The following MROH2B variants were observed in gnomAD, a reference collection of about 807,000 sequenced individuals.
MROH2B encodes the protein maestro heat like repeat family member 2B, also known as maestro heat-like repeat-containing protein family member 2B.
Under a neutral mutation model 208.6 loss-of-function variants are expected in MROH2B, and 177 were observed. The ratio of observed to expected loss-of-function variants is 0.85; its 90% CI spans 0.75 to 0.96. The LOEUF (loss-of-function observed/expected upper bound fraction) is 0.96. Among genes scored for constraint, MROH2B ranks in the 40% least tolerant of loss-of-function variants. MROH2B has a pLI of 0.00. For missense variants in MROH2B, 2,002 were observed against 1,878.7 expected (o/e 1.07, Z -1.21); for synonymous variants, 728 against 659.0 (o/e 1.10, Z -1.60).
chr5:41,022,250 G>A (rs868747035), intron 24 of MROH2B, among the ~76,000 whole-genome samples: 1 of 152,166 alleles, frequency 6.6e-6, no homozygotes, highest in Non-Finnish European at 1.5e-5. Context: ...GCAGGGCGAG[G>A]CATCACCTCA....
intron 5 of MROH2B, among the ~76,000 whole-genome samples, chr5:41,064,136 G>A (rs182713000): frequency 6.8e-4 from 103 of 152,316 alleles, no homozygotes; most frequent in African/African-American, 2.4e-3. Context: ...GCAGTGAGGA[G>A]TGTAGACTGG....
chr5:41,040,516 C>G (rs954295648), intron 19 of MROH2B, among the ~76,000 whole-genome samples: 4 of 152,126 alleles, frequency 2.6e-5, no homozygotes, highest in African/African-American at 9.7e-5. Context: ...GATTGAAAAC[C>G]AAGTAGGCTC....
chr5:41,059,004 C>T (rs1204616679), intron 6 of MROH2B, among the ~76,000 whole-genome samples: 2 of 147,112 alleles, frequency 1.4e-5, no homozygotes, highest in Non-Finnish European at 3.0e-5. Context: ...GTGGAGATGG[C>T]GCCACTGCAC....
intron 24 of MROH2B, among the ~76,000 whole-genome samples, chr5:41,031,500 G>C (rs1282850082): frequency 6.6e-6 from 1 of 152,014 alleles, no homozygotes; most frequent in Non-Finnish European, 1.5e-5. Flanking sequence ...GCTGGCAATG[G>C]GGGCACTATG....
At chr5:41,014,334 A>C (rs1309231038) in intron 29 of MROH2B, among the ~76,000 whole-genome samples, 2 of 152,204 alleles carry the variant, frequency 1.3e-5, no homozygotes, top group Non-Finnish European at 2.9e-5. Context: ...AAATAGAGCA[A>C]AAAACAAGTT....
chr5:40,998,995 T>A (rs1415560879), intron 40 of MROH2B, among the ~76,000 whole-genome samples: 1 of 152,116 alleles, frequency 6.6e-6, no homozygotes, highest in East Asian at 1.9e-4. Flanking sequence ...TCATAATGTG[T>A]TGGTGGGGGG....
intron 21 of MROH2B, among the ~76,000 whole-genome samples, chr5:41,036,437 A>G (rs1263357125): frequency 6.6e-6 from 1 of 152,276 alleles, no homozygotes; most frequent in Admixed American, 6.5e-5. Flanking sequence ...CTTTAAGTCC[A>G]TTAAACATTG....
chr5:41,000,783 T>C lies in MROH2B; in HGVS notation c.4245A>G (p.Ala1415=). Residue 1415 remains alanine, a synonymous_variant, in exon 38 of 42, where the codon GCA becomes GCG. Transcript: ENST00000399564. ...TCTTCCACCTTCTTCCTGTTAGGGG[T>C]GCCAGGTCCTCAAATAAGAAGATGG... is the stretch of plus-strand genomic sequence containing the variant. ...LTAIFLFEDL[A]PLTGRRWKIF... is the part of the protein sequence containing the mutation. The C allele has an allele frequency of 6.2e-7, 1 of 1,611,454 alleles. No individual in the cohort carries two copies. The highest frequency in any genetic ancestry group is 1.7e-5 in the Admixed American group (1 of 59,644).
At chr5:41,054,105 G>A (rs532464478) in intron 11 of MROH2B, among the ~76,000 whole-genome samples, 51 of 151,990 alleles carry the variant, frequency 3.4e-4, no homozygotes, top group Non-Finnish European at 6.5e-4. Flanking sequence ...TCAGCCTCAT[G>A]AGTAGCTGGG....
intron 24 of MROH2B, among the ~76,000 whole-genome samples, chr5:41,023,511 G>C (rs1247237473): frequency 6.6e-6 from 1 of 152,156 alleles, no homozygotes; most frequent in Non-Finnish European, 1.5e-5. Flanking sequence ...AAAAAGAAAT[G>C]AACAAAGCCT....
chr5:41,004,243 G>A, intron 37 of MROH2B, 103 bp downstream of exon 37: 1 of 1,372,956 alleles, frequency 7.3e-7, no homozygotes, highest in Non-Finnish European at 9.9e-7. Flanking sequence ...GGCAGGCCAA[G>A]GAATATGGGT....
Position 41,049,104 on chromosome 5 carries a change from A to C in MROH2B, c.1539T>G (p.Leu513=). 1.3e-6 allele frequency: 2 copies of C among 1,596,996 alleles called. No homozygotes were observed. Among genetic ancestry groups the C allele is most frequent in the South Asian group, 1.1e-5 (1 of 88,188 alleles). ...LPSPQQLLAR[L]LVISMPASLG... is the part of the protein sequence containing the mutation. The stretch of plus-strand genomic sequence containing the variant: ...TGGTTCTTAGTAACTCACTCACCAG[A>C]AGTCTGGCCAGTAGCTGCTGTGGTG... The change falls in exon 15 of 42, where the codon CTT becomes CTG. Residue 513 remains leucine, a synonymous_variant. Coordinates refer to ENST00000399564, the MANE Select transcript of MROH2B (RefSeq NM_173489.5).
chr5:41,004,809 C>G lies in MROH2B; in HGVS notation c.3976G>C (p.Gly1326Arg), dbSNP rs535880016. Residue 1326 changes from glycine (G) to arginine (R), a missense_variant, in exon 36 of 42, where the codon GGG (glycine) becomes CGG (arginine). Gly to Arg is a moderately radical substitution (Grantham distance 125, BLOSUM62 -2). Coordinates refer to ENST00000399564, the MANE Select transcript of MROH2B (RefSeq NM_173489.5). ...GCCCCGGATGCTGTGTTGCCGAGCC[C>G]TCGGATGGCCATCTGCCTCAGAGTG... Reference protein sequence around the residue: ...NATLRQMAIRGLGNTASGAPH... With the variant: ...NATLRQMAIRRLGNTASGAPH... 6.2e-7 allele frequency: 1 copy of G among 1,614,004 alleles called. No individual in the cohort carries two copies. Among genetic ancestry groups the G allele is most frequent in the Admixed American group, 1.7e-5 (1 of 60,036 alleles).
chr5:41,024,927 G>A lies in MROH2B; in HGVS notation c.2442-5909C>T, dbSNP rs2150161664. Among the ~76,000 whole-genome samples the A allele has an allele frequency of 2.0e-5, 3 of 152,336 alleles. 1 individual carries two copies. Among genetic ancestry groups the A allele is most frequent in the Admixed American group, 2.0e-4 (3 of 15,310 alleles). On this transcript the variant is annotated intron_variant, in intron 24 of 41. Coordinates refer to ENST00000399564, the MANE Select transcript of MROH2B (RefSeq NM_173489.5). ...CATGGAAACTGAAAAACCTGCTCCT[G>A]AGTGACTGCTGGGTACATAACGAAA...
At chr5:41,043,914 A>T (rs903223348) in intron 18 of MROH2B, among the ~76,000 whole-genome samples, 1 of 152,012 alleles carries the variant, frequency 6.6e-6, no homozygotes, top group African/African-American at 2.4e-5. Flanking sequence ...GTATGAGAGA[A>T]CAAGAACAAC....
intron 6 of MROH2B, among the ~76,000 whole-genome samples, chr5:41,058,821 C>T (rs956801198): frequency 6.6e-6 from 1 of 151,748 alleles, no homozygotes; most frequent in Admixed American, 6.6e-5. Context: ...CCGAGGCAGG[C>T]GGATCGCCTG....
chr5:41,052,640 A>C (rs1490206158), intron 11 of MROH2B, 53 bp from the exon 12 acceptor site: 2 of 1,483,808 alleles, frequency 1.3e-6, no homozygotes, highest in Non-Finnish European at 1.8e-6. Context: ...GCAGAAGGGA[A>C]ATTTACCTTA....
At chr5:41,011,414 G>C (rs1741769702) in intron 30 of MROH2B, among the ~76,000 whole-genome samples, 1 of 152,034 alleles carries the variant, frequency 6.6e-6, no homozygotes, top group South Asian at 2.1e-4. Context: ...ACAAATATAT[G>C]GGCATTCCAC....
Position 41,007,402 on chromosome 5 carries a change from G to A in MROH2B, c.3661C>T (p.Leu1221Phe). Residue 1221 changes from leucine (L) to phenylalanine (F), a missense_variant, in exon 34 of 42, where the codon CTT becomes TTT. Physicochemically the swap from Leu to Phe is conservative, Grantham distance 22. Coordinates refer to ENST00000399564, the MANE Select transcript of MROH2B (RefSeq NM_173489.5). Reference sequence around the variant, plus strand: ...TCCCCCTCATCAGATTCCTTTGCAAGGCCTTCTCTCATGGCTTGGGCTTGC... The same window carrying A: ...TCCCCCTCATCAGATTCCTTTGCAAAGCCTTCTCTCATGGCTTGGGCTTGC... Reference protein sequence around the residue: ...CLQAQAMREGLAKESDEGDNL... With the variant: ...CLQAQAMREGFAKESDEGDNL... 6.4e-7 allele frequency: 1 copy of A among 1,568,790 alleles called. No homozygotes were observed. The highest frequency in any genetic ancestry group is 8.7e-7 in the Non-Finnish European group (1 of 1,156,042).
Sources: allele counts gnomAD v4.1 joint callset (sites outside exome capture counted in the v4.1 genomes callset), GRCh38; gene constraint gnomAD v4.1.1; transcripts MANE v1.5; gene names NCBI Gene and HGNC (gene_info 2026-07-23, HGNC 2026-07-21).